The following UMODL1 variants were observed in gnomAD, a reference collection of about 807,000 sequenced individuals.
The protein encoded by UMODL1 is uromodulin like 1, also known as uromodulin-like 1.
In UMODL1, 128 loss-of-function variants were observed where a neutral mutation model predicts 136.3. That is an observed-to-expected ratio of 0.94 (90% CI 0.81 to 1.09). UMODL1 has a LOEUF of 1.09. Ranked by LOEUF, UMODL1 falls within the 50% of genes least tolerant of loss-of-function variation. The pLI, the probability that UMODL1 is intolerant of heterozygous loss-of-function variation, is 0.00. For missense variants in UMODL1, 1,766 were observed against 1,725.6 expected, an observed-to-expected ratio of 1.02 and a Z score of -0.41; for synonymous variants, 721 against 720.0, an observed-to-expected ratio of 1.00 and a Z score of -0.02.
intron 20 of UMODL1, among the ~76,000 whole-genome samples, chr21:42,129,406 C>A (rs220162): frequency 0.27 from 41,166 of 151,980 alleles, 5,802 homozygotes; most frequent in Middle Eastern, 0.36. Context: ...AAGACACAGT[C>A]CTCAAGGGAC....
At chr21:42,080,567 C>T (rs776649493) in intron 2 of UMODL1, among the ~76,000 whole-genome samples, 1 of 152,230 alleles carries the variant, frequency 6.6e-6, no homozygotes, top group Non-Finnish European at 1.5e-5. Flanking sequence ...TCAACTTTTT[C>T]AGTCCAGCAT....
intron 22 of UMODL1, among the ~76,000 whole-genome samples, 178 bp from the exon 23 acceptor site, chr21:42,141,918 G>A (rs1395655058): frequency 6.6e-6 from 1 of 152,208 alleles, no homozygotes; most frequent in Non-Finnish European, 1.5e-5. Context: ...CCGTTCCACT[G>A]GGCACTCTGG....
chr21:42,068,296 C>G (rs1054121202), upstream of UMODL1, among the ~76,000 whole-genome samples: 1 of 152,196 alleles, frequency 6.6e-6, no homozygotes, highest in Admixed American at 6.5e-5. The surrounding 1 kb of genome is among the most constrained non-coding windows in gnomAD (Gnocchi z 5.5). Flanking sequence ...GGGGCCTATC[C>G]TCCAGTGCCT....
intron 2 of UMODL1, among the ~76,000 whole-genome samples, chr21:42,082,105 C>A (rs115752506): frequency 1.3e-5 from 2 of 152,204 alleles, no homozygotes; most frequent in Admixed American, 1.3e-4. Flanking sequence ...CAAGGCCGGG[C>A]GCCAGGCAGA....
intron 12 of UMODL1, among the ~76,000 whole-genome samples, chr21:42,112,128 T>C (rs220132): frequency 0.44 from 66,146 of 149,738 alleles, 15,910 homozygotes; most frequent in Non-Finnish European, 0.53. Context: ...CTCTGCACCC[T>C]CCCAGTAATG....
chr21:42,124,146 C>A (rs1182880196), intron 17 of UMODL1, among the ~76,000 whole-genome samples: 1 of 151,812 alleles, frequency 6.6e-6, no homozygotes, highest in African/African-American at 2.4e-5. Context: ...CCATGCAGGC[C>A]CTTGTTCGTC....
chr21:42,096,584 C>T (rs980748079), intron 6 of UMODL1, among the ~76,000 whole-genome samples: 4 of 152,206 alleles, frequency 2.6e-5, no homozygotes, highest in Non-Finnish European at 4.4e-5. Flanking sequence ...TTATAGAATG[C>T]GTTTTTAAAT....
rs570059702 is a variant in UMODL1 at position 42,123,963 on chromosome 21, C to T, written c.3147+813C>T. On this transcript the variant is annotated intron_variant, in intron 17 of 22. Coordinates refer to ENST00000408910, the MANE Select transcript of UMODL1 (RefSeq NM_001004416.3). The surrounding 1 kb of genome is among the most constrained non-coding windows in gnomAD (Gnocchi z 4.4). The stretch of plus-strand genomic sequence containing the variant: ...GAAAGTGGGTTTTCCTGGCCTGAGG[C>T]CTTCGCACCTCTGTGTGCACAGATG... Among the ~76,000 whole-genome samples the T allele has an allele frequency of 2.0e-5, 3 of 152,158 alleles. No homozygotes were observed. The highest frequency in any genetic ancestry group is 2.0e-4 in the Admixed American group (3 of 15,290).
At position 42,122,656 on chromosome 21, in the gene UMODL1, TGTGTGC is replaced by T. The variant is rs1037784813; in HGVS notation, c.2828-169_2828-164del. Among the ~76,000 whole-genome samples, 44 of 130,304 alleles carry T rather than the reference TGTGTGC, an allele frequency of 3.4e-4. No individual in the cohort carries two copies. The highest frequency in any genetic ancestry group is 4.2e-3 in the Middle Eastern group (1 of 238). The allele number at this position is 130,304 out of a possible 152,430, so 85.5% of individuals were successfully genotyped here. ...ACGTGTGTGTACGTGTGTGTGCATA[TGTGTGC>T]GTGTGTGTGTGTGTGTGTGCACGTG... is the stretch of plus-strand genomic sequence containing the variant. On this transcript the variant is annotated intron_variant, in intron 16 of 22. Coordinates refer to ENST00000408910, the MANE Select transcript of UMODL1 (RefSeq NM_001004416.3). The surrounding 1 kb of genome is among the most constrained non-coding windows in gnomAD (Gnocchi z 4.3).
chr21:42,105,101 G>T (rs144151350), intron 9 of UMODL1, among the ~76,000 whole-genome samples: 180 of 152,318 alleles, frequency 1.2e-3, no homozygotes, highest in Non-Finnish European at 1.0e-3. Context: ...GGTTGGGTGT[G>T]GGGGGATCTA....
At position 42,111,384 on chromosome 21, in the gene UMODL1, C is replaced by T. The variant is rs437484; in HGVS notation, c.1900-122C>T. On this transcript the variant is annotated intron_variant, in intron 11 of 22. Transcript: ENST00000408910. Reference sequence around the variant, plus strand: ...CCCAGCCAGGGGAGCACCAGCCAGGCGAGCCCCAGCCATAGGAACACTATC... The same window carrying T: ...CCCAGCCAGGGGAGCACCAGCCAGGTGAGCCCCAGCCATAGGAACACTATC... 1.2e-4 allele frequency: 192 copies of T among 1,611,246 alleles called. No individual in the cohort carries two copies. Among genetic ancestry groups the T allele is most frequent in the Middle Eastern group, 5.0e-4 (3 of 6,054 alleles).
At chr21:42,087,891 C>T (rs1055064468) in intron 4 of UMODL1, among the ~76,000 whole-genome samples, 1 of 152,258 alleles carries the variant, frequency 6.6e-6, no homozygotes, top group Non-Finnish European at 1.5e-5. Context: ...TCTCTTCACA[C>T]TGTCTTCCCC....
At chr21:42,137,269 G>A (rs1210393327) in intron 21 of UMODL1, among the ~76,000 whole-genome samples, 170 bp from the exon 22 acceptor site, 2 of 152,374 alleles carry the variant, frequency 1.3e-5, no homozygotes, top group East Asian at 3.9e-4. Flanking sequence ...GCTGTCCTGG[G>A]CTTGGACACC....
chr21:42,093,797 G>C, intron 6 of UMODL1: 1 of 444,898 alleles, frequency 2.2e-6, no homozygotes, highest in Non-Finnish European at 4.6e-6. Flanking sequence ...GGTCATCCCC[G>C]GGGTCTCCAG....
In UMODL1 at chr21:42,113,695, C is replaced by G; in HGVS notation, c.2227C>G (p.Pro743Ala). 2 of 1,614,024 alleles carry G rather than the reference C, an allele frequency of 1.2e-6. No homozygotes were observed. Among genetic ancestry groups the G allele is most frequent in the Non-Finnish European group, 1.7e-6 (2 of 1,180,024 alleles). Residue 743 changes from proline to alanine, a missense_variant, in exon 13 of 23, where the codon CCT becomes GCT. Transcript: ENST00000408910. Reference sequence around the variant, plus strand: ...GCTCACTCTGACTTCCATGTGGAGCCCTGCTGTGGTCCTAGAGACCTGGAA... The same window carrying G: ...GCTCACTCTGACTTCCATGTGGAGCGCTGCTGTGGTCCTAGAGACCTGGAA... Reference protein sequence around the residue: ...FQLTLTSMWSPAVVLETWNTS... With the variant: ...FQLTLTSMWSAAVVLETWNTS...
chr21:42,119,659 A>G (rs1180538204), intron 15 of UMODL1, among the ~76,000 whole-genome samples: 1 of 152,188 alleles, frequency 6.6e-6, no homozygotes, highest in Non-Finnish European at 1.5e-5. Context: ...TCCCCCAAGC[A>G]TAGTTCCCAA....
At chr21:42,067,640 GC>G (rs1334172971), upstream of UMODL1, among the ~76,000 whole-genome samples, 1 of 152,174 alleles carries the variant, frequency 6.6e-6, no homozygotes, top group East Asian at 1.9e-4. Flanking sequence ...CGTGTCCACT[GC>G]CCCCCTGGCC....
chr21:42,126,568 C>A, intron 18 of UMODL1, 78 bp downstream of exon 18: 1 of 1,595,904 alleles, frequency 6.3e-7, no homozygotes, highest in South Asian at 1.1e-5. Flanking sequence ...TTTAGGGTGT[C>A]AACCACTTAA....
intron 15 of UMODL1, among the ~76,000 whole-genome samples, chr21:42,120,175 T>C (rs1429121944): frequency 6.6e-6 from 1 of 152,258 alleles, no homozygotes; most frequent in African/African-American, 2.4e-5. Context: ...AAGGTCTCTT[T>C]ACTGCTGACA....
Sources: allele counts gnomAD v4.1 joint callset (sites outside exome capture counted in the v4.1 genomes callset), GRCh38; gene constraint gnomAD v4.1.1; non-coding constraint Gnocchi (gnomAD v3.1); transcripts MANE v1.5; gene names NCBI Gene and HGNC (gene_info 2026-07-23, HGNC 2026-07-21).